The following BAALC variants were observed in gnomAD, a reference collection of about 807,000 sequenced individuals.
BAALC encodes BAALC binder of MAP3K1 and KLF4, also known as brain and acute leukemia cytoplasmic protein.
BAALC carries 9 observed loss-of-function variants against 15.5 expected under a neutral mutation model. That is an observed-to-expected ratio of 0.58 (90% CI 0.35 to 1.02). The LOEUF is 1.02. Ranked by LOEUF, BAALC falls within the 50% of genes least tolerant of loss-of-function variation. The probability of loss-of-function intolerance (pLI) is 0.02; values close to 1 mark genes in which losing one functional copy is unlikely to be tolerated. For synonymous variants in BAALC, 80 were observed against 74.6 expected (o/e 1.07, Z -0.37); for missense variants, 201 against 192.4 (o/e 1.04, Z -0.27).
intron 1 of BAALC, among the ~76,000 whole-genome samples, chr8:103,185,869 T>C (rs1811823904): frequency 6.6e-6 from 1 of 152,194 alleles, no homozygotes. Context: ...ATGGGCCTTG[T>C]AGGGACCTTG....
chr8:103,220,761 T>C (rs1374487027), intron 2 of BAALC, among the ~76,000 whole-genome samples: 1 of 152,222 alleles, frequency 6.6e-6, no homozygotes. Flanking sequence ...TAATTATCTC[T>C]GGGGAAGGCA....
chr8:103,164,058 T>C (rs1356578472), intron 1 of BAALC, among the ~76,000 whole-genome samples: 1 of 151,502 alleles, frequency 6.6e-6, no homozygotes, highest in Admixed American at 6.6e-5. Flanking sequence ...AAATAGAGAG[T>C]GACTGGAGAT....
At position 103,171,283 on chromosome 8, in the gene BAALC, A is replaced by AAGAC. The variant is rs142506224; in HGVS notation, c.160+30229_160+30230insCAGA. On this transcript the variant is annotated intron_variant, in intron 1 of 2. Coordinates refer to ENST00000309982, the MANE Select transcript of BAALC (RefSeq NM_024812.3). Reference sequence around the variant, plus strand: ...AAAGGAAAGAAGAGAAAAAGAAAGAAAGAGAGAAGGAAGGGGGGAGGGAGG... The same window carrying AAGAC: ...AAAGGAAAGAAGAGAAAAAGAAAGAAAGACAGAGAGAAGGAAGGGGGGAGGGAGG... 1.8e-3 allele frequency among the ~76,000 whole-genome samples: 255 copies of AAGAC among 144,950 alleles called. 3 individuals are homozygous for AAGAC. Among genetic ancestry groups the AAGAC allele is most frequent in the African/African-American group, 6.2e-3 (243 of 38,900 alleles).
At chr8:103,213,406 T>G in intron 2 of BAALC, 1 of 197,154 alleles carries the variant, frequency 5.1e-6, no homozygotes, top group Non-Finnish European at 1.0e-5. Context: ...GCCAGGCAGC[T>G]GGCCAGTCTC....
At chr8:103,171,277 GAA>G (rs1811480478) in intron 1 of BAALC, among the ~76,000 whole-genome samples, 1 of 132,704 alleles carries the variant, frequency 7.5e-6, no homozygotes, top group African/African-American at 2.7e-5. Context: ...AAGAGAAAAA[GAA>G]AGAAAGAGAG....
At chr8:103,205,729 G>A (rs1452465891) in intron 1 of BAALC, among the ~76,000 whole-genome samples, 1 of 151,626 alleles carries the variant, frequency 6.6e-6, no homozygotes, top group African/African-American at 2.4e-5. Flanking sequence ...AGACACCCCA[G>A]GTGAGTTTCA....
intron 1 of BAALC, among the ~76,000 whole-genome samples, chr8:103,207,014 G>A (rs1001664208): frequency 1.3e-5 from 2 of 152,148 alleles, no homozygotes; most frequent in African/African-American, 4.8e-5. Flanking sequence ...CTGGTAAGGG[G>A]GCTCCCTTCA....
chr8:103,167,901 C>T (rs934229909), intron 1 of BAALC, among the ~76,000 whole-genome samples: 1 of 152,134 alleles, frequency 6.6e-6, no homozygotes, highest in African/African-American at 2.4e-5. Flanking sequence ...TCAAATATAG[C>T]TTCTGTTTTT....
intron 1 of BAALC, among the ~76,000 whole-genome samples, chr8:103,186,349 G>A (rs139359182): frequency 3.0e-3 from 460 of 152,334 alleles, no homozygotes; most frequent in African/African-American, 0.01. Flanking sequence ...ACTTGCAGAA[G>A]GAACTTGCCT....
intron 1 of BAALC, chr8:103,165,395 TC>T (rs2129920802): frequency 6.6e-6 from 1 of 152,274 alleles, no homozygotes; most frequent in Non-Finnish European, 1.5e-5. Context: ...ATGCCCCTGT[TC>T]CTTTACAAAC....
chr8:103,164,310 G>A (rs985512652), intron 1 of BAALC, among the ~76,000 whole-genome samples: 6 of 152,126 alleles, frequency 3.9e-5, no homozygotes, highest in Admixed American at 3.9e-4. Flanking sequence ...TCTGTAAGGA[G>A]GTAGACTATT....
chr8:103,144,935 C>G (rs1337981170), intron 1 of BAALC, among the ~76,000 whole-genome samples: 2 of 152,202 alleles, frequency 1.3e-5, no homozygotes, highest in East Asian at 1.9e-4. Flanking sequence ...AGGAACGAGG[C>G]AGGAACTATA....
chr8:103,190,390 G>A (rs1811939696), intron 1 of BAALC, among the ~76,000 whole-genome samples: 1 of 152,016 alleles, frequency 6.6e-6, no homozygotes, highest in South Asian at 2.1e-4. Flanking sequence ...ATCACCTCTT[G>A]CCTCCAATTA....
Position 103,166,481 on chromosome 8 carries a change from A to T in BAALC, c.160+25424A>T, listed in dbSNP as rs555590824. Among the ~76,000 whole-genome samples, 3 of 152,122 alleles carry T rather than the reference A, an allele frequency of 2.0e-5. No homozygotes were observed. In the South Asian group the frequency reaches 6.2e-4, roughly 32 times the overall value. On this transcript the variant is annotated intron_variant, in intron 1 of 2. Coordinates refer to ENST00000309982, the MANE Select transcript of BAALC (RefSeq NM_024812.3). The stretch of plus-strand genomic sequence containing the variant: ...AAGTGGAGCAGATGTGTGGGAGGGT[A>T]TGGGAGACAACGGGCCTGAGGGCAG...
intron 1 of BAALC, among the ~76,000 whole-genome samples, chr8:103,166,884 G>C (rs964878337): frequency 6.6e-6 from 1 of 152,124 alleles, no homozygotes; most frequent in Non-Finnish European, 1.5e-5. Context: ...ACAGTCAAAG[G>C]ATACTTTAAG....
At position 103,228,890 on chromosome 8, in the gene BAALC, C is replaced by A. The variant is rs1563660940; in HGVS notation, c.*791C>A. 1 of 152,296 alleles carries A rather than the reference C, an allele frequency of 6.6e-6. No homozygotes were observed. Among genetic ancestry groups the A allele is most frequent in the Non-Finnish European group, 1.5e-5 (1 of 68,084 alleles). The allele number at this position is 152,296 out of a possible 1,614,324, so 9.4% of individuals were successfully genotyped here. Reference sequence around the variant, plus strand: ...AGCTAGACATTGCAATTTTGCATAGCTTTCCAGTTCCCTTTGCTTGTCTTC... The same window carrying A: ...AGCTAGACATTGCAATTTTGCATAGATTTCCAGTTCCCTTTGCTTGTCTTC... On this transcript the variant is annotated 3_prime_UTR_variant, in exon 3 of 3. Coordinates refer to ENST00000309982, the MANE Select transcript of BAALC (RefSeq NM_024812.3).
chr8:103,172,155 A>C (rs763510809), intron 1 of BAALC: 1 of 150,362 alleles, frequency 6.7e-6, no homozygotes, highest in Non-Finnish European at 1.5e-5. Flanking sequence ...TTCCATGGGG[A>C]AGTGTTTGGG....
At chr8:103,190,197 G>A (rs13279226) in intron 1 of BAALC, among the ~76,000 whole-genome samples, 37,754 of 152,078 alleles carry the variant, frequency 0.25, 5,088 homozygotes, top group South Asian at 0.33. Flanking sequence ...GGTAAATGCA[G>A]TTTGGATGTA....
chr8:103,213,001 G>T lies in BAALC; in HGVS notation c.243G>T (p.Thr81=), dbSNP rs138529581. The T allele has an allele frequency of 6.2e-7, 1 of 1,613,994 alleles. No individual in the cohort carries two copies. The highest frequency in any genetic ancestry group is 1.3e-5 in the African/African-American group (1 of 74,922). ...GAATACCCAACCCAGAGAAGAAGAC[G>T]AACTGTGAGACCCAGTGCCCAAATC... ...PGGIPNPEKK[T]NCETQCPNPQ... The change falls in exon 2 of 3, where the codon ACG becomes ACT. Residue 81 remains threonine (T), a synonymous_variant. Coordinates refer to ENST00000309982, the MANE Select transcript of BAALC (RefSeq NM_024812.3).
Sources: allele counts gnomAD v4.1 joint callset (sites outside exome capture counted in the v4.1 genomes callset), GRCh38; gene constraint gnomAD v4.1.1; transcripts MANE v1.5; gene names NCBI Gene and HGNC (gene_info 2026-07-23, HGNC 2026-07-21).